GRIN2A: variants seen among roughly 807,000 people sequenced by gnomAD.
GRIN2A encodes the protein glutamate receptor ionotropic, NMDA 2A.
A neutral mutation model predicts 113.4 loss-of-function variants in GRIN2A; 22 were observed. The observed-to-expected ratio is 0.19, with a 90% CI of 0.14 to 0.28. The LOEUF is 0.28. GRIN2A is among the 10% of genes least tolerant of loss of function. The probability of loss-of-function intolerance (pLI) is 1.00; values close to 1 mark genes in which losing one functional copy is unlikely to be tolerated. For synonymous variants in GRIN2A, 827 were observed against 738.4 expected, an observed-to-expected ratio of 1.12 and a Z score of -1.94; for missense variants, 1,502 against 1,887.0, an observed-to-expected ratio of 0.80 and a Z score of 3.78.
chr16:9,991,356 G>T (rs1490319892), intron 2 of GRIN2A, among the ~76,000 whole-genome samples: 4 of 152,200 alleles, frequency 2.6e-5, no homozygotes, highest in Non-Finnish European at 5.9e-5. Context: ...GAATTAGTAA[G>T]TGGTCCTACA....
chr16:9,908,059 A>G (rs1388966347), intron 3 of GRIN2A, among the ~76,000 whole-genome samples: 1 of 152,232 alleles, frequency 6.6e-6, no homozygotes, highest in African/African-American at 2.4e-5. Flanking sequence ...GCTGGATGGC[A>G]TGTGAGAACC....
At chr16:9,839,247 A>G (rs2042632689) in intron 7 of GRIN2A, among the ~76,000 whole-genome samples, 1 of 152,190 alleles carries the variant, frequency 6.6e-6, no homozygotes. Context: ...AGTTAATACA[A>G]CACTTTCCTT....
rs1408059342 is a variant in GRIN2A, at chr16:9,761,780, TA to T, written c.*1368del. ...AGGTTTGAGGAGAATAAGAATGGGA[TA>T]ATGCAGGCGACTCAGAAATGACAAA... is the stretch of plus-strand genomic sequence containing the variant. On this transcript the variant is annotated 3_prime_UTR_variant, in exon 13 of 13. Transcript: ENST00000330684. The T allele has an allele frequency of 2.9e-5, 6 of 209,132 alleles. No individual in the cohort carries two copies. Among genetic ancestry groups the T allele is most frequent in the Admixed American group, 1.2e-4 (2 of 16,946 alleles). 13.0% of individuals were successfully genotyped at this position (209,132 alleles called of 1,614,324 possible). A position where few individuals can be genotyped will look rare whatever the true frequency, so the allele number is the denominator to read the frequency against.
chr16:9,971,915 T>A (rs1159517696), intron 2 of GRIN2A, among the ~76,000 whole-genome samples: 1 of 152,164 alleles, frequency 6.6e-6, no homozygotes, highest in Non-Finnish European at 1.5e-5. Context: ...GAGTTCTACA[T>A]TTTTGCCACC....
intron 2 of GRIN2A, among the ~76,000 whole-genome samples, chr16:10,004,617 C>G (rs2046374815): frequency 6.6e-6 from 1 of 152,124 alleles, no homozygotes; most frequent in African/African-American, 2.4e-5. Flanking sequence ...GAATTGTAAT[C>G]CCAGCATTCC....
At chr16:10,043,884 C>T (rs1459565507) in intron 2 of GRIN2A, among the ~76,000 whole-genome samples, 1 of 151,652 alleles carries the variant, frequency 6.6e-6, no homozygotes, top group Non-Finnish European at 1.5e-5. Flanking sequence ...TATACATACA[C>T]ACACATATAT....
chr16:10,042,858 A>G (rs992184480), intron 2 of GRIN2A, among the ~76,000 whole-genome samples: 5 of 152,132 alleles, frequency 3.3e-5, no homozygotes, highest in African/African-American at 9.7e-5. Context: ...AACTTCAGGA[A>G]CCCTTTTGGA....
chr16:9,848,281 T>C (rs2042812196), intron 5 of GRIN2A, among the ~76,000 whole-genome samples: 1 of 151,136 alleles, frequency 6.6e-6, no homozygotes, highest in Non-Finnish European at 1.5e-5. Context: ...AGTGGCTCGA[T>C]CTCGACTTAT....
chr16:9,951,811 G>A (rs1410659137), intron 2 of GRIN2A, among the ~76,000 whole-genome samples: 6 of 152,140 alleles, frequency 3.9e-5, no homozygotes, highest in Non-Finnish European at 2.9e-5. Context: ...TGAGCCCCAG[G>A]GCTTCCTGGC....
intron 3 of GRIN2A, among the ~76,000 whole-genome samples, chr16:9,926,681 A>G (rs1433807544): frequency 6.6e-6 from 1 of 152,210 alleles, no homozygotes; most frequent in African/African-American, 2.4e-5. Context: ...CCTGGGATAA[A>G]ATACTTTAAA....
chr16:9,942,308 T>C (rs1389747127), intron 2 of GRIN2A, among the ~76,000 whole-genome samples: 1 of 152,174 alleles, frequency 6.6e-6, no homozygotes. Context: ...ACCAGCTTTA[T>C]AGTTGAAATA....
At chr16:9,986,812 T>A (rs1031111391) in intron 2 of GRIN2A, among the ~76,000 whole-genome samples, 1 of 152,000 alleles carries the variant, frequency 6.6e-6, no homozygotes, top group Non-Finnish European at 1.5e-5. Flanking sequence ...TGTCAGTATT[T>A]TATCTTTCAA....
At position 9,938,463 on chromosome 16, in the gene GRIN2A, T is replaced by A. The variant is rs2141632633; in HGVS notation, c.503A>T (p.His168Leu). ...GATAGTGGTCACCAGGGAGAAGACA[T>A]GCCAGTCATAATCCTGCATGATCTT... is the stretch of plus-strand genomic sequence containing the variant. Reference protein sequence around the residue: ...MLKIMQDYDWHVFSLVTTIFP... With the variant: ...MLKIMQDYDWLVFSLVTTIFP... The change falls in exon 3 of 13, where the codon CAT becomes CTT. Residue 168 changes from histidine (H) to leucine (L), a missense_variant. His to Leu is a moderately conservative substitution (Grantham distance 99). Coordinates refer to ENST00000330684, the MANE Select transcript of GRIN2A (RefSeq NM_001134407.3). The A allele has an allele frequency of 6.2e-7, 1 of 1,613,782 alleles. No individual in the cohort carries two copies. The highest frequency in any genetic ancestry group is 1.1e-5 in the South Asian group (1 of 91,072).
At chr16:9,829,276 G>A in intron 9 of GRIN2A, 147 bp downstream of exon 9, 1 of 632,536 alleles carries the variant, frequency 1.6e-6, no homozygotes, top group Non-Finnish European at 2.9e-6. Flanking sequence ...TGAGAAAGAG[G>A]ACAATTTGAG....
intron 11 of GRIN2A, among the ~76,000 whole-genome samples, chr16:9,784,232 C>G (rs893095024): frequency 4.6e-5 from 7 of 152,094 alleles, no homozygotes; most frequent in African/African-American, 1.7e-4. Context: ...GAGTTCAAGA[C>G]CAGCCTGGCC....
intron 4 of GRIN2A, 74 bp downstream of exon 4, chr16:9,890,912 A>G (rs954949140): frequency 2.2e-6 from 2 of 918,900 alleles, no homozygotes; most frequent in Admixed American, 3.4e-5. Context: ...CGTGGGAGAA[A>G]GAAGCACTGT....
At chr16:10,167,802 C>T (rs1033633660) in intron 2 of GRIN2A, among the ~76,000 whole-genome samples, 2 of 152,056 alleles carry the variant, frequency 1.3e-5, no homozygotes, top group African/African-American at 4.8e-5. Flanking sequence ...AAAGTGAAAG[C>T]ATTTGGAAAG....
intron 2 of GRIN2A, among the ~76,000 whole-genome samples, chr16:10,049,447 G>A (rs753590831): frequency 9.9e-5 from 15 of 151,414 alleles, no homozygotes; most frequent in South Asian, 2.1e-4. Flanking sequence ...GTGCGATCTC[G>A]GCTCACTGTA....
At chr16:10,151,109 G>C (rs772041538) in intron 2 of GRIN2A, among the ~76,000 whole-genome samples, 61 of 152,204 alleles carry the variant, frequency 4.0e-4, no homozygotes, top group Non-Finnish European at 7.8e-4. Context: ...TGCCATCAAT[G>C]CCCTCGGGGA....
Sources: allele counts gnomAD v4.1 joint callset (sites outside exome capture counted in the v4.1 genomes callset), GRCh38; gene constraint gnomAD v4.1.1; transcripts MANE v1.5; gene names NCBI Gene and HGNC (gene_info 2026-07-23, HGNC 2026-07-21).